Variants in COL5A1 observed in about 807,000 individuals in gnomAD.
COL5A1 encodes collagen type V alpha 1 chain.
COL5A1 carries 16 observed loss-of-function variants against 263.7 expected under a neutral mutation model. The observed-to-expected ratio is 0.06, with a 90% CI of 0.04 to 0.09. The LOEUF is 0.09. Among genes scored for constraint, COL5A1 ranks in the 10% least tolerant of loss-of-function variants. COL5A1 has a pLI of 1.00. For missense variants in COL5A1, 2,036 were observed against 2,540.5 expected, an observed-to-expected ratio of 0.80 and a Z score of 4.27; for synonymous variants, 1,012 against 1,004.5, an observed-to-expected ratio of 1.01 and a Z score of -0.14.
Position 134,701,276 on chromosome 9 carries a change from C to T in COL5A1, c.597C>T (p.Ile199=), listed in dbSNP as rs147008954. Residue 199 remains isoleucine (I), a synonymous_variant, in exon 4 of 66, where the codon ATC becomes ATT. Transcript: ENST00000371817. Reference sequence around the variant, plus strand: ...TCGACCGCAGCGACCACCCCATGATCGACATCAATGGCATCATCGTGTTTG... The same window carrying T: ...TCGACCGCAGCGACCACCCCATGATTGACATCAATGGCATCATCGTGTTTG... ...KFLDRSDHPM[I]DINGIIVFGT... 1.2e-5 allele frequency: 19 copies of T among 1,614,000 alleles called. No homozygotes were observed. Among genetic ancestry groups the T allele is most frequent in the Admixed American group, 1.0e-4 (6 of 60,016 alleles).
At chr9:134,670,432 G>A (rs1212857816) in intron 1 of COL5A1, among the ~76,000 whole-genome samples, 1 of 152,174 alleles carries the variant, frequency 6.6e-6, no homozygotes, top group Non-Finnish European at 1.5e-5. Flanking sequence ...AACCCAGGTG[G>A]ACCCCATGTC....
At chr9:134,738,104 C>T (rs1278430153) in intron 9 of COL5A1, among the ~76,000 whole-genome samples, 5 of 152,290 alleles carry the variant, frequency 3.3e-5, no homozygotes, top group Middle Eastern at 3.4e-3. Flanking sequence ...CACCTCCTCC[C>T]TCGAGTGGCT....
intron 1 of COL5A1, among the ~76,000 whole-genome samples, chr9:134,669,990 T>C (rs894412587): frequency 1.3e-5 from 2 of 152,248 alleles, no homozygotes; most frequent in Admixed American, 6.5e-5. Flanking sequence ...TTGGGAAATA[T>C]CAAAATGACT....
rs1354689410 is a variant in COL5A1, at chr9:134,728,770, C to T, written c.887C>T (p.Pro296Leu). 1.9e-6 allele frequency: 3 copies of T among 1,614,180 alleles called. No homozygotes were observed. The highest frequency in any genetic ancestry group is 2.5e-6 in the Non-Finnish European group (3 of 1,180,042). Reference protein sequence around the residue: ...LGKEPTPSKKPVEAAKETTEV... With the variant: ...LGKEPTPSKKLVEAAKETTEV... ...AAGGAGCCCACCCCCAGCAAGAAGC[C>T]CGTGGAAGCTGCCAAAGAAACCACA... The change falls in exon 6 of 66, where the codon CCC becomes CTC. Residue 296 changes from proline (P) to leucine (L), a missense_variant. Physicochemically the swap from Pro to Leu is moderately conservative, Grantham distance 98. Coordinates refer to ENST00000371817, the MANE Select transcript of COL5A1 (RefSeq NM_000093.5).
Position 134,814,822 on chromosome 9 carries a change from A to C in COL5A1, c.3932A>C (p.Lys1311Thr), listed in dbSNP as rs1838677320. The C allele has an allele frequency of 6.4e-7, 1 of 1,552,024 alleles. No individual in the cohort carries two copies. The highest frequency in any genetic ancestry group is 8.7e-7 in the Non-Finnish European group (1 of 1,147,368). Residue 1311 changes from lysine (K) to threonine (T), a missense_variant, in exon 50 of 66, where the codon AAG (lysine) becomes ACG (threonine). Lys to Thr is a moderately conservative substitution (Grantham distance 78). Around this residue, in one of 3 missense-constraint regions of COL5A1, gnomAD observed 1,078 missense variants for 1,521.4 expected, o/e 0.71. Transcript: ENST00000371817. Reference protein sequence around the residue: ...PPGPKGERGEKGESGPSGAAG... With the variant: ...PPGPKGERGETGESGPSGAAG... ...GGACCCAAAGGAGAAAGGGGAGAGA[A>C]GGGCGAGTCAGGCCCTTCAGGTGCT... is the stretch of plus-strand genomic sequence containing the variant.
rs116647656 is a variant in COL5A1 at position 134,648,811 on chromosome 9, C to T, written c.109+6515C>T. 1.8e-3 allele frequency among the ~76,000 whole-genome samples: 280 copies of T among 152,288 alleles called. 3 individuals carry two copies. Among genetic ancestry groups the T allele is most frequent in the African/African-American group, 6.6e-3 (273 of 41,554 alleles). ...CAGTAAGCACCAGTGGTCAGTTCAG[C>T]GGATCGCTCGCTGCTCGCTGCCTCT... On this transcript the variant is annotated intron_variant, in intron 1 of 65. Coordinates refer to ENST00000371817, the MANE Select transcript of COL5A1 (RefSeq NM_000093.5).
intron 1 of COL5A1, among the ~76,000 whole-genome samples, chr9:134,669,566 T>C (rs1832478596): frequency 6.6e-6 from 1 of 152,028 alleles, no homozygotes; most frequent in Non-Finnish European, 1.5e-5. Flanking sequence ...TGCAGTGCTT[T>C]GAATGGTACC....
At chr9:134,803,126 C>A in intron 39 of COL5A1, 131 bp downstream of exon 39, 1 of 785,900 alleles carries the variant, frequency 1.3e-6, no homozygotes. Flanking sequence ...CCGGTTCACT[C>A]CCCAGACCGC....
At position 134,682,788 on chromosome 9, in the gene COL5A1, G is replaced by T. The variant is rs1184300369; in HGVS notation, c.110-8124G>T. Among the ~76,000 whole-genome samples, 1 of 152,202 alleles carries T rather than the reference G, an allele frequency of 6.6e-6. No homozygotes were observed. Among genetic ancestry groups the T allele is most frequent in the Non-Finnish European group, 1.5e-5 (1 of 68,052 alleles). Reference sequence around the variant, plus strand: ...TCTGGGGCCAGGGGAGCATCCCTGTGCATTTGTTGGCAAAAAGGAGCAGGC... The same window carrying T: ...TCTGGGGCCAGGGGAGCATCCCTGTTCATTTGTTGGCAAAAAGGAGCAGGC... On this transcript the variant is annotated intron_variant, in intron 1 of 65. Coordinates refer to ENST00000371817, the MANE Select transcript of COL5A1 (RefSeq NM_000093.5). This position sits in a 1 kb window ranked among gnomAD's most constrained non-coding sequence, Gnocchi z 5.1.
At position 134,837,377 on chromosome 9, in the gene COL5A1, C is replaced by T. The variant is rs143342420; in HGVS notation, c.5370+2173C>T. The stretch of plus-strand genomic sequence containing the variant: ...GACAATGCTAGAAAGATGGATCCCA[C>T]GAAGGACCCTTGGAGGTTAAAGGGC... On this transcript the variant is annotated intron_variant, in intron 65 of 65. Transcript: ENST00000371817. Among the ~76,000 whole-genome samples, 325 of 152,138 alleles carry T rather than the reference C, an allele frequency of 2.1e-3. 1 individual carries two copies. The highest frequency in any genetic ancestry group is 7.6e-3 in the African/African-American group (314 of 41,514).
chr9:134,811,298 G>A (rs761278211), intron 44 of COL5A1, 41 bp from the exon 45 acceptor site: 3 of 1,601,714 alleles, frequency 1.9e-6, no homozygotes, highest in South Asian at 1.1e-5. Context: ...CCTTATCCAC[G>A]ATCCAAGAAG....
intron 1 of COL5A1, among the ~76,000 whole-genome samples, chr9:134,663,797 A>G (rs1012790380): frequency 2.4e-4 from 36 of 152,194 alleles, no homozygotes; most frequent in African/African-American, 8.4e-4. Context: ...TCTTTCATTC[A>G]CGACAGCTGT....
intron 1 of COL5A1, among the ~76,000 whole-genome samples, chr9:134,685,440 ATTGT>A (rs1333107625): frequency 2.7e-3 from 8 of 2,956 alleles, no homozygotes; most frequent in African/African-American, 3.7e-3. Context: ...CCATCCATCC[ATTGT>A]CCATCATCCA....
intron 27 of COL5A1, among the ~76,000 whole-genome samples, chr9:134,779,120 G>A (rs139379000): frequency 1.2e-4 from 19 of 152,388 alleles, no homozygotes; most frequent in Non-Finnish European, 2.2e-4. Flanking sequence ...TGTGGCCCCG[G>A]CTTCAGCCTC....
chr9:134,793,773 G>A (rs1484210675), intron 32 of COL5A1, among the ~76,000 whole-genome samples: 1 of 152,204 alleles, frequency 6.6e-6, no homozygotes, highest in Non-Finnish European at 1.5e-5. Flanking sequence ...GAAAGCAGAT[G>A]TTTCGTTAAT....
In COL5A1 at chr9:134,842,048, A is replaced by G; in HGVS notation, c.5371-109A>G. On this transcript the variant is annotated intron_variant, in intron 65 of 65. Coordinates refer to ENST00000371817, the MANE Select transcript of COL5A1 (RefSeq NM_000093.5). The surrounding 1 kb of genome is among the most constrained non-coding windows in gnomAD (Gnocchi z 5.8). ...GCAAGCGCAGCCCTGGGTAGGAGAC[A>G]GGACACCAGCCTGGGTTTTGGAGCC... The G allele has an allele frequency of 1.5e-6, 2 of 1,307,288 alleles. No homozygotes were observed. Among genetic ancestry groups the G allele is most frequent in the East Asian group, 2.4e-5 (1 of 41,684 alleles). 81.0% of individuals were successfully genotyped at this position (1,307,288 alleles called of 1,614,324 possible).
chr9:134,737,965 G>A (rs1835163037), intron 9 of COL5A1, among the ~76,000 whole-genome samples: 1 of 152,192 alleles, frequency 6.6e-6, no homozygotes, highest in Admixed American at 6.5e-5. Flanking sequence ...GAGGGAGGCG[G>A]GGTCTGGAGG....
chr9:134,732,278 C>T, intron 9 of COL5A1, 151 bp downstream of exon 9: 4 of 761,220 alleles, frequency 5.3e-6, no homozygotes, highest in Non-Finnish European at 7.0e-6. Flanking sequence ...GGAGTCCACG[C>T]ACCACTTGTC....
At chr9:134,728,844 C>T in intron 6 of COL5A1, 37 bp downstream of exon 6, 1 of 1,613,472 alleles carries the variant, frequency 6.2e-7, no homozygotes, top group East Asian at 2.2e-5. Context: ...GGGCTGGGCC[C>T]CTCGAGGCCA....
Sources: gnomAD v4.1 joint callset for allele counts (sites outside exome capture counted in the v4.1 genomes callset) on GRCh38, gnomAD v4.1.1 for gene constraint, gnomAD v4.1.1 regional missense constraint, Gnocchi (gnomAD v3.1) non-coding constraint, MANE v1.5 for transcripts, NCBI Gene and HGNC (gene_info 2026-07-23, HGNC 2026-07-21) for gene names.